Variants in GAP43 observed in about 807,000 individuals in gnomAD.
GAP43 encodes neuromodulin.
Under a neutral mutation model 18.6 loss-of-function variants are expected in GAP43, and 6 were observed. The ratio of observed to expected loss-of-function variants is 0.32; its 90% CI spans 0.18 to 0.64. GAP43 has a LOEUF of 0.64. Among genes scored for constraint, GAP43 ranks in the 30% least tolerant of loss-of-function variants. The pLI, the probability that GAP43 is intolerant of heterozygous loss-of-function variation, is 0.78. For missense variants in GAP43, 292 were observed against 295.5 expected (o/e 0.99, Z 0.09); for synonymous variants, 115 against 111.4 (o/e 1.03, Z -0.20).
chr3:115,675,823 C>A (rs1437094841), intron 1 of GAP43, among the ~76,000 whole-genome samples, 190 bp from the exon 2 acceptor site: 2 of 137,308 alleles, frequency 1.5e-5, no homozygotes, highest in Non-Finnish European at 3.1e-5. Context: ...AAAGACATTA[C>A]TTTTCCCATA....
chr3:115,678,556 T>G (rs1035070629), intron 2 of GAP43, among the ~76,000 whole-genome samples: 1 of 151,816 alleles, frequency 6.6e-6, no homozygotes, highest in Non-Finnish European at 1.5e-5. Flanking sequence ...GAATATAAAT[T>G]GATGAAATTT....
intron 1 of GAP43, among the ~76,000 whole-genome samples, chr3:115,636,058 C>T (rs904685251): frequency 2.0e-5 from 3 of 152,062 alleles, no homozygotes; most frequent in Admixed American, 1.3e-4. Flanking sequence ...TATAGTAAAA[C>T]TCCATCTGTA....
chr3:115,628,645 G>A (rs1460889574), intron 1 of GAP43, among the ~76,000 whole-genome samples: 1 of 152,102 alleles, frequency 6.6e-6, no homozygotes, highest in African/African-American at 2.4e-5. Context: ...TACTGGGTCT[G>A]CATGATATTA....
At chr3:115,696,580 C>CA (rs1190721426) in intron 2 of GAP43, among the ~76,000 whole-genome samples, 3 of 110,264 alleles carry the variant, frequency 2.7e-5, no homozygotes, top group Admixed American at 9.2e-5. Flanking sequence ...CCCCCACCGC[C>CA]CCCCCCCCCC....
chr3:115,702,903 C>T (rs1016142664), intron 2 of GAP43, among the ~76,000 whole-genome samples: 3 of 152,050 alleles, frequency 2.0e-5, no homozygotes, highest in Non-Finnish European at 4.4e-5. Context: ...CTGAGTCTTA[C>T]GGGAGTCCTG....
chr3:115,663,476 G>C, intron 1 of GAP43: 2 of 1,114,238 alleles, frequency 1.8e-6, no homozygotes, highest in Non-Finnish European at 2.2e-6. Context: ...TCTTCTCCCA[G>C]TATTGCTTTC....
At chr3:115,702,698 T>A (rs1285206764) in intron 2 of GAP43, among the ~76,000 whole-genome samples, 1 of 152,052 alleles carries the variant, frequency 6.6e-6, no homozygotes. Flanking sequence ...TCAGGGGAAG[T>A]CCAGTCAACT....
chr3:115,692,405 T>A (rs1709126600), intron 2 of GAP43, among the ~76,000 whole-genome samples: 1 of 152,150 alleles, frequency 6.6e-6, no homozygotes. Flanking sequence ...ATTATAAAAG[T>A]GAATATCTGT....
intron 2 of GAP43, among the ~76,000 whole-genome samples, chr3:115,701,791 G>A (rs562854910): frequency 3.3e-5 from 5 of 152,000 alleles, no homozygotes; most frequent in South Asian, 2.1e-4. Flanking sequence ...ATTCCACCCC[G>A]CCAACCTGTC....
chr3:115,637,522 T>C (rs1455592050), intron 1 of GAP43, among the ~76,000 whole-genome samples: 1 of 152,076 alleles, frequency 6.6e-6, no homozygotes, highest in East Asian at 1.9e-4. Flanking sequence ...TGCACTTTTT[T>C]CCCATGCTTG....
intron 2 of GAP43, among the ~76,000 whole-genome samples, chr3:115,687,940 TGTA>T (rs919678596): frequency 6.6e-6 from 1 of 152,122 alleles, no homozygotes; most frequent in Non-Finnish European, 1.5e-5. Context: ...AAATTTGACT[TGTA>T]GTATAAACCA....
chr3:115,703,262 T>C (rs566967424), intron 2 of GAP43, among the ~76,000 whole-genome samples: 1 of 152,188 alleles, frequency 6.6e-6, no homozygotes, highest in Non-Finnish European at 1.5e-5. Flanking sequence ...TATTTTTTAG[T>C]GAAGTTTTAT....
chr3:115,718,682 T>C (rs945150911), intron 2 of GAP43, among the ~76,000 whole-genome samples: 1 of 152,150 alleles, frequency 6.6e-6, no homozygotes, highest in African/African-American at 2.4e-5. Flanking sequence ...AGTCAGACTT[T>C]AAAACCCTGG....
intron 1 of GAP43, among the ~76,000 whole-genome samples, chr3:115,670,595 C>T (rs986810483): frequency 2.0e-5 from 3 of 152,180 alleles, no homozygotes; most frequent in Non-Finnish European, 4.4e-5. Context: ...TACTTTAATA[C>T]TTGCACATTT....
At chr3:115,649,823 AAAGAAAG>A (rs1708501003) in intron 1 of GAP43, among the ~76,000 whole-genome samples, 1 of 13,272 alleles carries the variant, frequency 7.5e-5, no homozygotes, top group South Asian at 5.0e-3. Context: ...AAAAAAAAAA[AAAGAAAG>A]AAAGAAAGAA....
At chr3:115,709,440 C>G (rs971980591) in intron 2 of GAP43, among the ~76,000 whole-genome samples, 8 of 152,190 alleles carry the variant, frequency 5.3e-5, no homozygotes, top group African/African-American at 1.9e-4. Context: ...AGCTGGGATT[C>G]TTCTCAACTG....
intron 1 of GAP43, among the ~76,000 whole-genome samples, chr3:115,642,900 G>A (rs1049813016): frequency 6.6e-6 from 1 of 152,048 alleles, no homozygotes; most frequent in African/African-American, 2.4e-5. Flanking sequence ...ATATGTGTGT[G>A]TTTGTGTGAA....
chr3:115,684,311 T>C (rs1709006989), intron 2 of GAP43, among the ~76,000 whole-genome samples: 1 of 152,172 alleles, frequency 6.6e-6, no homozygotes, highest in African/African-American at 2.4e-5. Flanking sequence ...TGGTCCCTTC[T>C]TACTGGTGCA....
intron 1 of GAP43, among the ~76,000 whole-genome samples, chr3:115,665,542 A>C (rs1708721561): frequency 6.6e-6 from 1 of 152,130 alleles, no homozygotes; most frequent in South Asian, 2.1e-4. Context: ...CAGAGGAATC[A>C]TTTTAAGTTG....
Sources: allele counts gnomAD v4.1 joint callset (sites outside exome capture counted in the v4.1 genomes callset), GRCh38; gene constraint gnomAD v4.1.1; transcripts MANE v1.5; gene names NCBI Gene and HGNC (gene_info 2026-07-23, HGNC 2026-07-21).